The following RIMS3 variants were observed in gnomAD, a reference collection of about 807,000 sequenced individuals.
RIMS3 encodes the protein regulating synaptic membrane exocytosis 3, also known as regulating synaptic membrane exocytosis protein 3.
RIMS3 carries 15 observed loss-of-function variants against 29.2 expected under a neutral mutation model. The observed-to-expected ratio is 0.51, with a 90% CI of 0.34 to 0.79. The LOEUF (loss-of-function observed/expected upper bound fraction) is 0.79. RIMS3 is among the 30% of genes least tolerant of loss of function. The pLI is 0.01. For missense variants in RIMS3, 342 were observed against 421.4 expected (o/e 0.81, Z 1.65); for synonymous variants, 161 against 170.1 (o/e 0.95, Z 0.41).
At chr1:40,674,161 G>A in the RIMS3 span, among the ~76,000 whole-genome samples, 9 of 152,186 alleles carry the variant, frequency 5.9e-5, no homozygotes, top group Non-Finnish European at 2.9e-5. Context: ...CTGGGGGCAA[G>A]AAGGAAGAAG....
chr1:40,641,912 T>TC lies in RIMS3; in HGVS notation c.13dup (p.Glu5GlyfsTer20). On this transcript the variant is annotated frameshift_variant, in exon 3 of 8. Coordinates refer to ENST00000372684, the MANE Select transcript of RIMS3 (RefSeq NM_014747.3). LOFTEE classifies it high-confidence loss of function. ...GGCCCCAGATGAGGCAGGACCTGGC[T>TC]CCCCGTTAAACATGGTCCCCGGGGT... is the stretch of plus-strand genomic sequence containing the variant. 1 of 1,613,514 alleles carries TC rather than the reference T, an allele frequency of 6.2e-7. No homozygotes were observed. The highest frequency in any genetic ancestry group is 1.7e-5 in the Admixed American group (1 of 60,030).
At chr1:40,675,805 G>A in the RIMS3 span, among the ~76,000 whole-genome samples, 1 of 151,434 alleles carries the variant, frequency 6.6e-6, no homozygotes, top group Non-Finnish European at 1.5e-5. Flanking sequence ...ACACATGCCT[G>A]TAGTCCCAGC....
chr1:40,631,015 G>A (rs1010990655), intron 5 of RIMS3, among the ~76,000 whole-genome samples: 1 of 152,204 alleles, frequency 6.6e-6, no homozygotes, highest in South Asian at 2.1e-4. Context: ...TGGAACCCCA[G>A]CTCCACTGCA....
At chr1:40,675,770 A>AAG in the RIMS3 span, among the ~76,000 whole-genome samples, 1 of 151,418 alleles carries the variant, frequency 6.6e-6, no homozygotes, top group East Asian at 1.9e-4. Flanking sequence ...AAAAAAAAAA[A>AAG]AAAAAAAATT....
chr1:40,688,905 A>G, the RIMS3 span, among the ~76,000 whole-genome samples: 1 of 152,190 alleles, frequency 6.6e-6, no homozygotes, highest in Non-Finnish European at 1.5e-5. Flanking sequence ...TTAAATTACA[A>G]TATCTACCTT....
intron 1 of RIMS3, among the ~76,000 whole-genome samples, chr1:40,657,402 CT>C (rs1642287415): frequency 6.6e-6 from 1 of 152,114 alleles, no homozygotes; most frequent in Non-Finnish European, 1.5e-5. Flanking sequence ...AGGTGAAGAG[CT>C]TTAAAATCTA....
At chr1:40,691,918 C>CG in the RIMS3 span, 3 of 338,352 alleles carry the variant, frequency 8.9e-6, no homozygotes, top group Admixed American at 8.1e-5. Context: ...GAAGCGGCGG[C>CG]GGGGGGAGGG....
upstream of RIMS3, chr1:40,665,718 G>A: frequency 6.5e-6 from 1 of 153,018 alleles, no homozygotes; most frequent in Non-Finnish European, 1.5e-5. Context: ...AGGGGAGGCG[G>A]GGCCTGCCGG....
chr1:40,680,034 C>A, the RIMS3 span, among the ~76,000 whole-genome samples: 8 of 151,938 alleles, frequency 5.3e-5, no homozygotes, highest in African/African-American at 1.9e-4. Context: ...GTGGCTCAGG[C>A]CTGTAATCCC....
Position 40,641,740 on chromosome 1 carries a change from C to T in RIMS3, c.186G>A (p.Trp62Ter). The T allele has an allele frequency of 6.2e-7, 1 of 1,614,132 alleles. No homozygotes were observed. Among genetic ancestry groups the T allele is most frequent in the Non-Finnish European group, 8.5e-7 (1 of 1,179,958 alleles). ...KMVAIVGLTQ[W>*]SKSTLQLPQP... ...GCGGAAGCTGGAGTGTGCTCTTGCTCCACTGAGTCAGGCCCACGATGGCCA... is the reference window on the plus strand; with the variant it reads ...GCGGAAGCTGGAGTGTGCTCTTGCTTCACTGAGTCAGGCCCACGATGGCCA... The change falls in exon 3 of 8, where the codon TGG becomes TGA. Residue 62 changes from tryptophan (W) to a stop codon, truncating the protein, a stop_gained. Coordinates refer to ENST00000372684, the MANE Select transcript of RIMS3 (RefSeq NM_014747.3). LOFTEE classifies it high-confidence loss of function.
At chr1:40,679,248 T>G in the RIMS3 span, among the ~76,000 whole-genome samples, 1 of 152,082 alleles carries the variant, frequency 6.6e-6, no homozygotes, top group Admixed American at 6.5e-5. Context: ...TGCCAGAGCC[T>G]CCAGCAGAAG....
rs959728755 is a variant in RIMS3, at chr1:40,624,611, T to C, written c.*1906A>G. 1.3e-5 allele frequency: 2 copies of C among 152,368 alleles called. No homozygotes were observed. The highest frequency in any genetic ancestry group is 4.8e-5 in the African/African-American group (2 of 41,450). 9.4% of individuals were successfully genotyped at this position (152,368 alleles called of 1,614,324 possible). On this transcript the variant is annotated 3_prime_UTR_variant, in exon 8 of 8. Coordinates refer to ENST00000372684, the MANE Select transcript of RIMS3 (RefSeq NM_014747.3). ...CTGGGAGCTAACTCCGTTCATTTCC[T>C]TCCTGCCCTTACCCACTTCTTGTCC... is the stretch of plus-strand genomic sequence containing the variant.
At position 40,665,552 on chromosome 1, in the gene RIMS3, C is replaced by CGGGGCGGGGA. The variant is rs1450204705; in HGVS notation, c.-375_-366dup. The CGGGGCGGGGA allele has an allele frequency of 6.6e-6, 1 of 152,102 alleles. No homozygotes were observed. The highest frequency in any genetic ancestry group is 1.5e-5 in the Non-Finnish European group (1 of 68,004). The allele number at this position is 152,102 out of a possible 1,614,324, so 9.4% of individuals were successfully genotyped here. On this transcript the variant is annotated 5_prime_UTR_variant, in exon 1 of 8. Transcript: ENST00000372684. ...CGCGGACTCCGAGTGGATAGGCACG[C>CGGGGCGGGGA]GGGGCGGGGAGGGGCGGCGAGGGAG...
chr1:40,662,284 C>CTT (rs1642363481), intron 1 of RIMS3, among the ~76,000 whole-genome samples: 1 of 152,168 alleles, frequency 6.6e-6, no homozygotes, highest in Non-Finnish European at 1.5e-5. Context: ...ACACACAGTT[C>CTT]CCCTTCCTCA....
At chr1:40,680,192 C>T in the RIMS3 span, among the ~76,000 whole-genome samples, 1 of 151,880 alleles carries the variant, frequency 6.6e-6, no homozygotes, top group Admixed American at 6.6e-5. Context: ...ACAAGAACAA[C>T]AACAAGAAAG....
intron 7 of RIMS3, among the ~76,000 whole-genome samples, chr1:40,627,768 AT>A (rs11315244): frequency 0.21 from 31,128 of 148,686 alleles, 4,147 homozygotes; most frequent in African/African-American, 0.39. Context: ...TGACCAGATA[AT>A]TTTTTTTTTT....
intron 5 of RIMS3, among the ~76,000 whole-genome samples, chr1:40,632,822 C>T (rs1646497892): frequency 6.6e-6 from 1 of 152,080 alleles, no homozygotes; most frequent in Non-Finnish European, 1.5e-5. Context: ...AATTGAAATA[C>T]CTCATGCAAA....
chr1:40,667,396 G>A (rs1642439888), upstream of RIMS3, among the ~76,000 whole-genome samples: 1 of 152,104 alleles, frequency 6.6e-6, no homozygotes, highest in Non-Finnish European at 1.5e-5. Flanking sequence ...GAGGGTGGAG[G>A]TGAGGGGTGG....
chr1:40,661,107 G>T (rs1642346391), intron 1 of RIMS3, among the ~76,000 whole-genome samples: 2 of 152,158 alleles, frequency 1.3e-5, no homozygotes, highest in Non-Finnish European at 1.5e-5. Flanking sequence ...TTGCTCTGCA[G>T]TTGGACAACC....
Sources: allele counts gnomAD v4.1 joint callset (sites outside exome capture counted in the v4.1 genomes callset), GRCh38; gene constraint gnomAD v4.1.1; transcripts MANE v1.5; gene names NCBI Gene and HGNC (gene_info 2026-07-23, HGNC 2026-07-21).